The following EIF4E1B variants were observed in gnomAD, a reference collection of about 807,000 sequenced individuals.
EIF4E1B encodes the protein eukaryotic translation initiation factor 4E family member 1B.
In EIF4E1B, 22 loss-of-function variants were observed where a neutral mutation model predicts 31.3. The ratio of observed to expected loss-of-function variants is 0.70; its 90% CI spans 0.50 to 1.00. The LOEUF is 1.00. Among genes scored for constraint, EIF4E1B ranks in the 50% least tolerant of loss-of-function variants. The pLI, the probability that EIF4E1B is intolerant of heterozygous loss-of-function variation, is 0.00. For synonymous variants in EIF4E1B, 126 were observed against 120.2 expected, an observed-to-expected ratio of 1.05 and a Z score of -0.31; for missense variants, 290 against 311.6, an observed-to-expected ratio of 0.93 and a Z score of 0.52.
chr5:176,643,435 G>T (rs79427245), intron 4 of EIF4E1B, among the ~76,000 whole-genome samples, 169 bp downstream of exon 4: 1 of 152,178 alleles, frequency 6.6e-6, no homozygotes, highest in Non-Finnish European at 1.5e-5. Context: ...CCCTAACCCC[G>T]CAGAGACTGT....
At chr5:176,637,621 C>A (rs1760515623) in intron 1 of EIF4E1B, among the ~76,000 whole-genome samples, 1 of 152,018 alleles carries the variant, frequency 6.6e-6, no homozygotes, top group Non-Finnish European at 1.5e-5. Context: ...GATCGCCTAC[C>A]CTGAGAGAGG....
At chr5:176,643,781 C>G (rs1760641541) in intron 5 of EIF4E1B, 47 bp downstream of exon 5, 1 of 1,569,338 alleles carries the variant, frequency 6.4e-7, no homozygotes, top group Non-Finnish European at 8.7e-7. Flanking sequence ...GCTCTGAGCT[C>G]TGGGCTCCCT....
At position 176,642,156 on chromosome 5, in the gene EIF4E1B, G is replaced by A. The variant is rs1352659757; in HGVS notation, c.-88G>A. 2.0e-5 allele frequency: 3 copies of A among 152,874 alleles called. No individual in the cohort carries two copies. The highest frequency in any genetic ancestry group is 7.2e-5 in the African/African-American group (3 of 41,456). The allele number at this position is 152,874 out of a possible 1,614,324, so 9.5% of individuals were successfully genotyped here. ...ACCCTCACCATCCAGGTCAGGCAGA[G>A]AACACTCAGGTGGGGCAGGAGGTAA... On this transcript the variant is annotated 5_prime_UTR_variant, in exon 2 of 9. Coordinates refer to ENST00000318682, the MANE Select transcript of EIF4E1B (RefSeq NM_001099408.2).
At chr5:176,633,213 T>TG (rs1760436482) in intron 1 of EIF4E1B, among the ~76,000 whole-genome samples, 1 of 150,082 alleles carries the variant, frequency 6.7e-6, no homozygotes, top group African/African-American at 2.5e-5. Context: ...CCAGTGTTTT[T>TG]TTTGTTTGTT....
intron 1 of EIF4E1B, among the ~76,000 whole-genome samples, chr5:176,635,450 G>T (rs1159103268): frequency 6.6e-6 from 1 of 152,196 alleles, no homozygotes; most frequent in Non-Finnish European, 1.5e-5. Context: ...ACAAGTGGTG[G>T]TGAGCATTCC....
In EIF4E1B at chr5:176,642,028, A is replaced by G. The variant is rs187924537; in HGVS notation, c.-201-15A>G. 115 of 152,612 alleles carry G rather than the reference A, an allele frequency of 7.5e-4. 1 individual carries two copies. Among genetic ancestry groups the G allele is most frequent in the Admixed American group, 1.4e-3 (22 of 15,292 alleles). The allele number at this position is 152,612 out of a possible 1,614,324, so 9.5% of individuals were successfully genotyped here. On this transcript the variant is annotated splice_polypyrimidine_tract_variant and intron_variant, in intron 1 of 8. Coordinates refer to ENST00000318682, the MANE Select transcript of EIF4E1B (RefSeq NM_001099408.2). ...AGCTTCTGAGTTGTGTATGATTAAC[A>G]TTTTCATTTTACAGATGGGGAAACT...
rs770409222 is a variant in EIF4E1B, at chr5:176,643,694, C to A, written c.256C>A (p.His86Asn). ...CAGCCGGGCCTGGCAGGACAACCTG[C>A]ACCTGGTCACCAAGGTGGACACTGT... is the stretch of plus-strand genomic sequence containing the variant. ...DRSRAWQDNL[H>N]LVTKVDTVED... The change falls in exon 5 of 9, where the codon CAC becomes AAC. Residue 86 changes from histidine (H) to asparagine (N), a missense_variant. By Grantham distance (68) the His-to-Asn change is moderately conservative. Transcript: ENST00000318682. 6 of 1,613,172 alleles carry A rather than the reference C, an allele frequency of 3.7e-6. No homozygotes were observed. Among genetic ancestry groups the A allele is most frequent in the Non-Finnish European group, 3.4e-6 (4 of 1,179,604 alleles).
In EIF4E1B at chr5:176,638,999, C is replaced by T. The variant is rs1327961013; in HGVS notation, c.-201-3044C>T. 1.3e-5 allele frequency among the ~76,000 whole-genome samples: 2 copies of T among 152,082 alleles called. No homozygotes were observed. The highest frequency in any genetic ancestry group is 6.6e-5 in the Admixed American group (1 of 15,254). On this transcript the variant is annotated intron_variant, in intron 1 of 8. Transcript: ENST00000318682. The surrounding 1 kb of genome is among the most constrained non-coding windows in gnomAD (Gnocchi z 4.3). ...TATTTTTAGTAGAGACACGGTTTTA[C>T]CATGTTGGCCAGGCTACTCTCGAAC... is the stretch of plus-strand genomic sequence containing the variant.
intron 1 of EIF4E1B, among the ~76,000 whole-genome samples, chr5:176,633,764 A>T (rs1482335760): frequency 6.6e-6 from 1 of 152,216 alleles, no homozygotes; most frequent in East Asian, 1.9e-4. Flanking sequence ...AGAGAGAAAG[A>T]AGATGAAATG....
At chr5:176,644,133 G>T in intron 5 of EIF4E1B, 1 of 577,492 alleles carries the variant, frequency 1.7e-6, no homozygotes, top group Non-Finnish European at 3.1e-6. Flanking sequence ...TAGCTGGAGG[G>T]GGGAGCACCA....
rs1561910376 is a variant in EIF4E1B, at chr5:176,642,859, C to CT, written c.15+57_15+58insT. 61 of 1,300,094 alleles carry CT rather than the reference C, an allele frequency of 4.7e-5. 4 individuals are homozygous for CT. Among genetic ancestry groups the CT allele is most frequent in the Middle Eastern group, 5.5e-4 (2 of 3,638 alleles). The allele number at this position is 1,300,094 out of a possible 1,614,324, so 80.5% of individuals were successfully genotyped here. ...ACCATGGCCCCGCCCTCTCCCCCCC[C>CT]CCCCCCGCCCCAGGTGGGCGGGGCA... On this transcript the variant is annotated intron_variant, in intron 3 of 8. Transcript: ENST00000318682.
Position 176,634,493 on chromosome 5 carries a change from A to G in EIF4E1B, c.-202+3429A>G, listed in dbSNP as rs138096389. Among the ~76,000 whole-genome samples the G allele has an allele frequency of 8.7e-4, 132 of 152,312 alleles. 4 individuals carry two copies. The East Asian group carries it at 0.024, about 28-fold the overall frequency. ...ATCTAGAATTTTCATGAGACAGATA[A>G]CGTAGATAAAAATAACCTTAAGAGC... On this transcript the variant is annotated intron_variant, in intron 1 of 8. Transcript: ENST00000318682.
In EIF4E1B at chr5:176,645,259, A is replaced by C; in HGVS notation, c.474+16A>C. The C allele has an allele frequency of 6.2e-7, 1 of 1,603,036 alleles. No homozygotes were observed. Among genetic ancestry groups the C allele is most frequent in the South Asian group, 1.1e-5 (1 of 89,658 alleles). Reference sequence around the variant, plus strand: ...GCTGGAGACGGTGAGTTGGAGGAGGAGGGTCCTCAGGGGAAGAGACGGGCT... The same window carrying C: ...GCTGGAGACGGTGAGTTGGAGGAGGCGGGTCCTCAGGGGAAGAGACGGGCT... On this transcript the variant is annotated intron_variant, in intron 7 of 8. Transcript: ENST00000318682. This position sits in a 1 kb window ranked among gnomAD's most constrained non-coding sequence, Gnocchi z 5.4.
chr5:176,642,827 C>G (rs185021288), intron 3 of EIF4E1B, 25 bp downstream of exon 3: 360 of 1,536,424 alleles, frequency 2.3e-4, no homozygotes, highest in Middle Eastern at 1.4e-3. Context: ...CTCTCTACCC[C>G]CAGTGCACCA....
chr5:176,642,502 CA>C (rs1429640594), intron 2 of EIF4E1B, among the ~76,000 whole-genome samples: 2 of 152,092 alleles, frequency 1.3e-5, no homozygotes, highest in African/African-American at 4.8e-5. Context: ...AACAAACAAA[CA>C]AAAAAACTCA....
chr5:176,644,045 C>G (rs543746486), intron 5 of EIF4E1B: 4 of 553,706 alleles, frequency 7.2e-6, no homozygotes, highest in East Asian at 6.0e-5. Flanking sequence ...ACTCGGCTGC[C>G]TCAGTGTCCG....
chr5:176,640,790 C>T (rs530718784), intron 1 of EIF4E1B, among the ~76,000 whole-genome samples: 4 of 152,350 alleles, frequency 2.6e-5, no homozygotes, highest in Admixed American at 6.5e-5. Flanking sequence ...CTTTTAGCTT[C>T]GCCCACACTG....
chr5:176,634,500 T>C (rs1182475645), intron 1 of EIF4E1B, among the ~76,000 whole-genome samples: 2 of 152,150 alleles, frequency 1.3e-5, no homozygotes, highest in African/African-American at 2.4e-5. Context: ...ATAACGTAGA[T>C]AAAAATAACC....
rs1031725872 is a variant in EIF4E1B at position 176,644,545 on chromosome 5, G to T, written c.360+106G>T. The T allele has an allele frequency of 5.0e-5, 61 of 1,221,264 alleles. 1 individual carries two copies. Among genetic ancestry groups the T allele is most frequent in the Non-Finnish European group, 6.1e-5 (53 of 871,640 alleles). 75.7% of individuals were successfully genotyped at this position (1,221,264 alleles called of 1,614,324 possible). ...GAGGGGTGGGGGTGGGGAGCTACGGGCCACCTCTCAGCAGAGTTGTGGTTT... is the reference window on the plus strand; with the variant it reads ...GAGGGGTGGGGGTGGGGAGCTACGGTCCACCTCTCAGCAGAGTTGTGGTTT... On this transcript the variant is annotated intron_variant, in intron 6 of 8. Coordinates refer to ENST00000318682, the MANE Select transcript of EIF4E1B (RefSeq NM_001099408.2).
Sources: gnomAD v4.1 joint callset for allele counts (sites outside exome capture counted in the v4.1 genomes callset) on GRCh38, gnomAD v4.1.1 for gene constraint, Gnocchi (gnomAD v3.1) non-coding constraint, MANE v1.5 for transcripts, NCBI Gene and HGNC (gene_info 2026-07-23, HGNC 2026-07-21) for gene names.